Variants in SMARCA2 observed in about 807,000 individuals in gnomAD.
SMARCA2 encodes SWI/SNF related BAF chromatin remodeling complex subunit ATPase 2.
SMARCA2 carries 61 observed loss-of-function variants against 199.8 expected under a neutral mutation model. That is an observed-to-expected ratio of 0.31 (90% CI 0.25 to 0.38). SMARCA2 has a LOEUF of 0.38. Ranked by LOEUF, SMARCA2 falls within the 10% of genes least tolerant of loss-of-function variation. The pLI is 1.00. For missense variants in SMARCA2, 1,344 were observed against 2,012.2 expected, an observed-to-expected ratio of 0.67 and a Z score of 6.35; for synonymous variants, 935 against 732.0, an observed-to-expected ratio of 1.28 and a Z score of -4.48.
At chr9:2,038,064 T>C (rs1819407805) in intron 3 of SMARCA2, among the ~76,000 whole-genome samples, 1 of 152,248 alleles carries the variant, frequency 6.6e-6, no homozygotes, top group Non-Finnish European at 1.5e-5. Flanking sequence ...TTTACTCTCA[T>C]TTTTATGTTA....
chr9:2,112,983 T>G (rs1438345395), intron 24 of SMARCA2, among the ~76,000 whole-genome samples: 1 of 152,218 alleles, frequency 6.6e-6, no homozygotes, highest in East Asian at 1.9e-4. Flanking sequence ...CTGTTTAGGT[T>G]TCAGTTTGAA....
At chr9:2,084,294 C>G (rs1480027904) in intron 17 of SMARCA2, 98 bp downstream of exon 17, 1 of 639,422 alleles carries the variant, frequency 1.6e-6, no homozygotes, top group African/African-American at 1.9e-5. Flanking sequence ...CCTTAGATGG[C>G]TTGTCCTTTT....
chr9:2,035,968 C>T (rs1186568764), intron 3 of SMARCA2, among the ~76,000 whole-genome samples: 2 of 152,080 alleles, frequency 1.3e-5, no homozygotes, highest in African/African-American at 2.4e-5. Flanking sequence ...AATATAAAAA[C>T]ACAGGAACAG....
intron 27 of SMARCA2, among the ~76,000 whole-genome samples, chr9:2,124,175 T>G (rs1823587706): frequency 6.6e-6 from 1 of 152,222 alleles, no homozygotes; most frequent in Admixed American, 6.5e-5. Context: ...TATGCAGGAT[T>G]TTTTGCTAGA....
At chr9:2,157,890 G>C (rs1210551246) in intron 27 of SMARCA2, 2 of 398,428 alleles carry the variant, frequency 5.0e-6, no homozygotes, top group Admixed American at 8.8e-5. Flanking sequence ...AGATGTGGTT[G>C]GTGTGTGTCA....
chr9:2,083,765 C>A (rs1370135032), intron 16 of SMARCA2, among the ~76,000 whole-genome samples: 1 of 152,250 alleles, frequency 6.6e-6, no homozygotes, highest in Non-Finnish European at 1.5e-5. Context: ...ATGCCCGGGG[C>A]TGCCTGCTGT....
intron 9 of SMARCA2, among the ~76,000 whole-genome samples, chr9:2,063,539 A>G (rs1820693115): frequency 6.6e-6 from 1 of 152,186 alleles, no homozygotes; most frequent in South Asian, 2.1e-4. Context: ...CAAATACTTC[A>G]ATAAACCTTT....
intron 10 of SMARCA2, among the ~76,000 whole-genome samples, chr9:2,072,670 T>G (rs969229540): frequency 1.3e-5 from 2 of 152,348 alleles, no homozygotes; most frequent in African/African-American, 4.8e-5. Flanking sequence ...ATGGGGATTG[T>G]TAGTTACAAA....
At chr9:2,168,645 T>G (rs1383401812) in intron 28 of SMARCA2, among the ~76,000 whole-genome samples, 1 of 152,262 alleles carries the variant, frequency 6.6e-6, no homozygotes, top group African/African-American at 2.4e-5. Context: ...ATCTTTACAC[T>G]GGCATTCATA....
Position 2,027,312 on chromosome 9 carries a change from G to A in SMARCA2, c.-36-1675G>A, listed in dbSNP as rs998969952. The stretch of plus-strand genomic sequence containing the variant: ...AAAAAAATTAGCTTGGCACGGTGGC[G>A]CCGCCTGTAGTCCTAGCTACTTGGG... On this transcript the variant is annotated intron_variant, in intron 1 of 33. Coordinates refer to ENST00000349721, the MANE Select transcript of SMARCA2 (RefSeq NM_003070.5). Among the ~76,000 whole-genome samples the A allele has an allele frequency of 4.6e-5, 7 of 151,876 alleles. No homozygotes were observed. The East Asian group carries it at 7.7e-4, about 17-fold the overall frequency.
intron 3 of SMARCA2, among the ~76,000 whole-genome samples, chr9:2,034,638 GCTAT>G (rs1476742113): frequency 6.6e-6 from 1 of 152,208 alleles, no homozygotes; most frequent in African/African-American, 2.4e-5. Context: ...TCCATGATCA[GCTAT>G]CCATCCACTC....
At position 2,104,763 on chromosome 9, in the gene SMARCA2, A is replaced by C. The variant is rs1238773662; in HGVS notation, c.3292+594A>C. ...ACCGTGTCCTAAAAATTAGTAAGAA[A>C]AAATATTAATGGAAGCAAATATGAT... On this transcript the variant is annotated intron_variant, in intron 23 of 33. Coordinates refer to ENST00000349721, the MANE Select transcript of SMARCA2 (RefSeq NM_003070.5). This position sits in a 1 kb window ranked among gnomAD's most constrained non-coding sequence, Gnocchi z 4.0. 6.6e-6 allele frequency among the ~76,000 whole-genome samples: 1 copy of C among 152,212 alleles called. No homozygotes were observed. The highest frequency in any genetic ancestry group is 2.4e-5 in the African/African-American group (1 of 41,452).
At chr9:2,041,815 C>T (rs766293279) in intron 4 of SMARCA2, 1 of 158,000 alleles carries the variant, frequency 6.3e-6, no homozygotes, top group South Asian at 2.0e-4. Flanking sequence ...AACTCCAGCT[C>T]TTGAGAATGC....
intron 27 of SMARCA2, among the ~76,000 whole-genome samples, chr9:2,146,327 C>T (rs1239870062): frequency 6.6e-6 from 1 of 152,186 alleles, no homozygotes; most frequent in Admixed American, 6.5e-5. Flanking sequence ...GATTTCAAGA[C>T]AGGAATTCTG....
intron 5 of SMARCA2, among the ~76,000 whole-genome samples, chr9:2,049,150 A>G (rs1820010915): frequency 6.6e-6 from 1 of 152,186 alleles, no homozygotes; most frequent in African/African-American, 2.4e-5. Flanking sequence ...TGCTTTCTAT[A>G]GCTAGAAATT....
chr9:2,170,757 A>G lies in SMARCA2; in HGVS notation c.4253+285A>G, dbSNP rs1826204893. Reference sequence around the variant, plus strand: ...GCCCGCCCTAACTGCAGCATCTTGGAGATGGGTTTCTGTTGCTTCCCCCTC... The same window carrying G: ...GCCCGCCCTAACTGCAGCATCTTGGGGATGGGTTTCTGTTGCTTCCCCCTC... On this transcript the variant is annotated intron_variant, in intron 29 of 33. Coordinates refer to ENST00000349721, the MANE Select transcript of SMARCA2 (RefSeq NM_003070.5). The surrounding 1 kb of genome is among the most constrained non-coding windows in gnomAD (Gnocchi z 4.7). Among the ~76,000 whole-genome samples, 1 of 152,160 alleles carries G rather than the reference A, an allele frequency of 6.6e-6. No individual in the cohort carries two copies.
intron 29 of SMARCA2, among the ~76,000 whole-genome samples, chr9:2,174,165 C>A (rs1826407592): frequency 6.6e-6 from 1 of 152,082 alleles, no homozygotes; most frequent in South Asian, 2.1e-4. Context: ...GCCCCTCTTT[C>A]GAGGGTCTCT....
chr9:2,065,687 CCT>C (rs1820809325), intron 9 of SMARCA2, among the ~76,000 whole-genome samples: 1 of 151,182 alleles, frequency 6.6e-6, no homozygotes, highest in African/African-American at 2.5e-5. Context: ...CAAGCTACTC[CCT>C]GATTCTTCTC....
At chr9:2,083,098 A>G (rs1219495956) in intron 15 of SMARCA2, among the ~76,000 whole-genome samples, 1 of 151,784 alleles carries the variant, frequency 6.6e-6, no homozygotes, top group Non-Finnish European at 1.5e-5. Flanking sequence ...TTTGCTCTCT[A>G]TATTTATGTA....
Sources: gnomAD v4.1 joint callset for allele counts (sites outside exome capture counted in the v4.1 genomes callset) on GRCh38, gnomAD v4.1.1 for gene constraint, Gnocchi (gnomAD v3.1) non-coding constraint, MANE v1.5 for transcripts, NCBI Gene and HGNC (gene_info 2026-07-23, HGNC 2026-07-21) for gene names.